Variants in RLN2 observed in about 807,000 individuals in gnomAD.
The protein encoded by RLN2 is relaxin 2, also known as prorelaxin H2.
In RLN2, 10 loss-of-function variants were observed where a neutral mutation model predicts 7.3. The ratio of observed to expected loss-of-function variants is 1.36; its 90% CI spans 0.84 to 2.31. The LOEUF is 2.31. RLN2 is among the 30% of genes most tolerant of loss of function. The pLI, the probability that RLN2 is intolerant of heterozygous loss-of-function variation, is 0.00. For synonymous variants in RLN2, 103 were observed against 82.3 expected (o/e 1.25, Z -1.36); for missense variants, 298 against 217.6 (o/e 1.37, Z -2.32).
chr9:5,300,423 T>A lies in RLN2; in HGVS notation c.233A>T (p.Asn78Ile). The A allele has an allele frequency of 6.2e-7, 1 of 1,606,720 alleles. No homozygotes were observed. The highest frequency in any genetic ancestry group is 1.7e-4 in the Middle Eastern group (1 of 6,026). Reference protein sequence around the residue: ...PVAEIVPSFINKDTETINMMS... With the variant: ...PVAEIVPSFIIKDTETINMMS... The stretch of plus-strand genomic sequence containing the variant: ...CATATTTATGGTTTCTGTATCTTTG[T>A]TGATGAAGGATGGCACAATTTCTGT... Residue 78 changes from asparagine (N) to isoleucine (I), a missense_variant, in exon 2 of 2, where the codon AAC becomes ATC. By Grantham distance (149) the Asn-to-Ile change is moderately radical. Coordinates refer to ENST00000381627, the MANE Select transcript of RLN2 (RefSeq NM_134441.3).
At chr9:5,326,455 C>T in the RLN2 span, among the ~76,000 whole-genome samples, 23 of 152,092 alleles carry the variant, frequency 1.5e-4, no homozygotes, top group African/African-American at 5.6e-4. Context: ...TGTCTCCCCA[C>T]CCTAAAGACT....
the RLN2 span, among the ~76,000 whole-genome samples, chr9:5,312,411 G>C: frequency 5.3e-5 from 8 of 152,028 alleles, no homozygotes; most frequent in Non-Finnish European, 7.4e-5. Context: ...TCCGTTTCTA[G>C]ATTGTGGATC....
the RLN2 span, among the ~76,000 whole-genome samples, chr9:5,330,648 A>G: frequency 3.3e-5 from 5 of 149,928 alleles, no homozygotes; most frequent in Non-Finnish European, 7.4e-5. Context: ...AAAAAAAAAA[A>G]AAAAAAAGAA....
At chr9:5,308,715 G>A (rs1461735880), upstream of RLN2, among the ~76,000 whole-genome samples, 1 of 151,956 alleles carries the variant, frequency 6.6e-6, no homozygotes, top group Non-Finnish European at 1.5e-5. Context: ...GGTAAAACTG[G>A]GATGGCCTCA....
At chr9:5,335,337 G>A in the RLN2 span, 5 of 1,611,130 alleles carry the variant, frequency 3.1e-6, no homozygotes, top group Non-Finnish European at 4.2e-6. Context: ...CTCTTTTTTT[G>A]AGAATGAGTA....
At chr9:5,331,519 G>A in the RLN2 span, among the ~76,000 whole-genome samples, 1 of 151,878 alleles carries the variant, frequency 6.6e-6, no homozygotes, top group Non-Finnish European at 1.5e-5. Flanking sequence ...CCTTTGCAGG[G>A]ACATGGATGA....
upstream of RLN2, chr9:5,304,841 A>G: frequency 3.8e-6 from 2 of 527,406 alleles, no homozygotes; most frequent in Non-Finnish European, 6.8e-6. Context: ...TCATTTGCCC[A>G]TCCCTCTGTC....
At chr9:5,309,467 C>A (rs1816308864), upstream of RLN2, among the ~76,000 whole-genome samples, 1 of 152,024 alleles carries the variant, frequency 6.6e-6, no homozygotes, top group African/African-American at 2.4e-5. Flanking sequence ...CTTCCACAAC[C>A]CAGTCCTCAG....
At chr9:5,308,273 G>A (rs1337135560), upstream of RLN2, among the ~76,000 whole-genome samples, 1 of 151,876 alleles carries the variant, frequency 6.6e-6, no homozygotes, top group African/African-American at 2.4e-5. Flanking sequence ...AAATACCTTG[G>A]TTAAGAGATT....
the RLN2 span, among the ~76,000 whole-genome samples, chr9:5,333,111 C>A: frequency 7.6e-3 from 1,157 of 151,996 alleles, 24 homozygotes; most frequent in African/African-American, 0.026. Context: ...TTTAGTGATG[C>A]GTATGAAGGG....
chr9:5,318,543 A>C, the RLN2 span, among the ~76,000 whole-genome samples: 1 of 151,980 alleles, frequency 6.6e-6, no homozygotes, highest in East Asian at 1.9e-4. Flanking sequence ...TTTATTCTAT[A>C]ATTTAGTAAG....
At chr9:5,336,894 G>A in the RLN2 span, among the ~76,000 whole-genome samples, 2 of 151,950 alleles carry the variant, frequency 1.3e-5, no homozygotes, top group Middle Eastern at 3.2e-3. Flanking sequence ...CGGTAGTTCT[G>A]GGGCTGATCA....
At chr9:5,332,504 A>T in the RLN2 span, among the ~76,000 whole-genome samples, 1 of 151,990 alleles carries the variant, frequency 6.6e-6, no homozygotes, top group Non-Finnish European at 1.5e-5. Context: ...ATTGGTCTCA[A>T]TGTAACACAT....
chr9:5,333,911 A>G, the RLN2 span, among the ~76,000 whole-genome samples: 1 of 152,036 alleles, frequency 6.6e-6, no homozygotes, highest in Admixed American at 6.6e-5. Flanking sequence ...AGAACTAAAG[A>G]CAAAAACCAT....
At chr9:5,328,454 C>A in the RLN2 span, among the ~76,000 whole-genome samples, 2 of 151,932 alleles carry the variant, frequency 1.3e-5, no homozygotes, top group African/African-American at 4.8e-5. Context: ...CTGGAAGTGA[C>A]GGGGAGAATG....
At chr9:5,335,551 G>A in the RLN2 span, 41 of 1,611,194 alleles carry the variant, frequency 2.5e-5, 3 homozygotes, top group South Asian at 4.2e-4. Context: ...ATTCCAACAT[G>A]ATAATTATAG....
At chr9:5,320,785 G>T in the RLN2 span, among the ~76,000 whole-genome samples, 2 of 152,160 alleles carry the variant, frequency 1.3e-5, no homozygotes, top group East Asian at 3.9e-4. Flanking sequence ...AAGACTTTTT[G>T]AAGAAGCACA....
At chr9:5,327,263 G>T in the RLN2 span, among the ~76,000 whole-genome samples, 164 of 152,212 alleles carry the variant, frequency 1.1e-3, 1 homozygote, top group African/African-American at 3.6e-3. Flanking sequence ...GGCTAGGCAG[G>T]TCCCATGCCC....
At chr9:5,317,330 G>A in the RLN2 span, among the ~76,000 whole-genome samples, 1 of 151,306 alleles carries the variant, frequency 6.6e-6, no homozygotes, top group Non-Finnish European at 1.5e-5. Context: ...TACACTTTAA[G>A]AACACACATA....
Sources: allele counts gnomAD v4.1 joint callset (sites outside exome capture counted in the v4.1 genomes callset), GRCh38; gene constraint gnomAD v4.1.1; transcripts MANE v1.5; gene names NCBI Gene and HGNC (gene_info 2026-07-23, HGNC 2026-07-21).